Variants in KCNH1 observed in about 807,000 individuals in gnomAD.
KCNH1 encodes voltage-gated delayed rectifier potassium channel KCNH1.
Under a neutral mutation model 69.2 loss-of-function variants are expected in KCNH1, and 27 were observed. The observed-to-expected ratio is 0.39, with a 90% CI of 0.29 to 0.54. KCNH1 has a LOEUF of 0.54. Among genes scored for constraint, KCNH1 ranks in the 20% least tolerant of loss-of-function variants. The pLI, the probability that KCNH1 is intolerant of heterozygous loss-of-function variation, is 0.68. For synonymous variants in KCNH1, 456 were observed against 487.7 expected (o/e 0.93, Z 0.86); for missense variants, 798 against 1,261.6 (o/e 0.63, Z 5.57).
intron 9 of KCNH1, among the ~76,000 whole-genome samples, chr1:210,790,602 T>C (rs1359090765): frequency 6.6e-6 from 1 of 152,152 alleles, no homozygotes; most frequent in Non-Finnish European, 1.5e-5. Flanking sequence ...CCATGAAACA[T>C]TTGGGTAAAA....
At chr1:210,909,407 G>T (rs890765009) in intron 7 of KCNH1, among the ~76,000 whole-genome samples, 1 of 152,192 alleles carries the variant, frequency 6.6e-6, no homozygotes, top group Non-Finnish European at 1.5e-5. Flanking sequence ...CACACACAAG[G>T]GGTAGTTAAA....
chr1:211,096,774 A>G (rs1345503775), intron 3 of KCNH1, among the ~76,000 whole-genome samples: 5 of 152,212 alleles, frequency 3.3e-5, no homozygotes, highest in Non-Finnish European at 7.3e-5. Flanking sequence ...TTAAAATTTA[A>G]TTCAAACAGA....
intron 7 of KCNH1, among the ~76,000 whole-genome samples, chr1:210,870,820 C>CA (rs1558505238): frequency 6.6e-6 from 1 of 152,112 alleles, no homozygotes; most frequent in Non-Finnish European, 1.5e-5. Context: ...AGCTCCAATA[C>CA]AATTCATAGA....
At chr1:210,894,686 G>T (rs142432041) in intron 7 of KCNH1, among the ~76,000 whole-genome samples, 582 of 152,136 alleles carry the variant, frequency 3.8e-3, no homozygotes, top group Non-Finnish European at 6.0e-3. Context: ...GTTATTATTG[G>T]AGTATCTTTA....
intron 7 of KCNH1, among the ~76,000 whole-genome samples, chr1:210,902,567 C>T (rs929912437): frequency 6.6e-6 from 1 of 152,346 alleles, no homozygotes; most frequent in African/African-American, 2.4e-5. Context: ...CCCACTGTTG[C>T]TGCCCAGCCA....
chr1:210,971,667 C>A (rs1484380030), intron 6 of KCNH1, among the ~76,000 whole-genome samples: 1 of 151,162 alleles, frequency 6.6e-6, no homozygotes, highest in Non-Finnish European at 1.5e-5. Flanking sequence ...CTGAAATCAG[C>A]GATGGAAAAG....
At chr1:210,949,853 A>T (rs961865676) in intron 6 of KCNH1, among the ~76,000 whole-genome samples, 4 of 152,220 alleles carry the variant, frequency 2.6e-5, no homozygotes, top group African/African-American at 9.6e-5. Context: ...CTTGGCAACA[A>T]CATTATGAGA....
intron 10 of KCNH1, among the ~76,000 whole-genome samples, chr1:210,701,337 C>T (rs866944111): frequency 6.6e-6 from 1 of 152,122 alleles, no homozygotes; most frequent in South Asian, 2.1e-4. Context: ...CCTCCCAAAG[C>T]ACTGGGATTG....
intron 7 of KCNH1, among the ~76,000 whole-genome samples, chr1:210,917,229 G>GAAAGAAAGAAAGTA: frequency 1.3e-5 from 1 of 78,870 alleles, no homozygotes; most frequent in Middle Eastern, 6.9e-3. Flanking sequence ...GAGAGAGAGA[G>GAAAGAAAGAAAGTA]AGAAAGAAAG....
chr1:211,056,057 T>C (rs1690298149), intron 5 of KCNH1, among the ~76,000 whole-genome samples: 1 of 152,136 alleles, frequency 6.6e-6, no homozygotes, highest in African/African-American at 2.4e-5. Flanking sequence ...AAAGGAGACT[T>C]CATCTTACAG....
At chr1:210,997,145 G>T (rs1349146083) in intron 6 of KCNH1, among the ~76,000 whole-genome samples, 1 of 152,232 alleles carries the variant, frequency 6.6e-6, no homozygotes, top group African/African-American at 2.4e-5. Context: ...ACCAGCAACG[G>T]AACAAAGCTG....
rs1681914473 is a variant in KCNH1, at chr1:210,706,368, A to ATATTTGCAG, written c.2113-22239_2113-22231dup. 2.0e-5 allele frequency among the ~76,000 whole-genome samples: 3 copies of ATATTTGCAG among 152,352 alleles called. No individual in the cohort carries two copies. In the South Asian group the frequency reaches 6.2e-4, roughly 32 times the overall value. ...GTGCAGGGGATGCAAATAACCTTTA[A>ATATTTGCAG]TATTTGCAGGAGCAAAATGCAGCGT... On this transcript the variant is annotated intron_variant, in intron 10 of 10. Transcript: ENST00000271751.
At chr1:211,063,083 T>C (rs1254282328) in intron 5 of KCNH1, among the ~76,000 whole-genome samples, 1 of 152,118 alleles carries the variant, frequency 6.6e-6, no homozygotes, top group Non-Finnish European at 1.5e-5. Context: ...GATGAATGGG[T>C]AAACAAAATG....
At chr1:211,072,183 A>G (rs903826139) in intron 5 of KCNH1, among the ~76,000 whole-genome samples, 2 of 152,126 alleles carry the variant, frequency 1.3e-5, no homozygotes, top group Admixed American at 6.5e-5. Context: ...GGCCAAGGCA[A>G]GAGAATCACT....
At chr1:211,053,642 A>AG (rs1690248544) in intron 5 of KCNH1, among the ~76,000 whole-genome samples, 1 of 152,220 alleles carries the variant, frequency 6.6e-6, no homozygotes, top group African/African-American at 2.4e-5. Context: ...CAGAATTTAC[A>AG]CTGCTTTCAT....
chr1:210,961,655 A>G (rs967812234), intron 6 of KCNH1, among the ~76,000 whole-genome samples: 1 of 152,092 alleles, frequency 6.6e-6, no homozygotes, highest in South Asian at 2.1e-4. Flanking sequence ...AGCCTGACCA[A>G]CATGGAGAAA....
chr1:210,935,124 A>T (rs1412604190), intron 6 of KCNH1, among the ~76,000 whole-genome samples: 3 of 8,400 alleles, frequency 3.6e-4, no homozygotes, highest in Non-Finnish European at 7.0e-4. Flanking sequence ...AAAATGTCAC[A>T]CACACACACA....
chr1:210,840,446 G>A (rs1455969252), intron 7 of KCNH1, among the ~76,000 whole-genome samples: 4 of 152,190 alleles, frequency 2.6e-5, no homozygotes, highest in Non-Finnish European at 5.9e-5. Context: ...ACTGACTGGG[G>A]CTGCTTCGCA....
At chr1:210,843,151 A>T (rs1685458739) in intron 7 of KCNH1, among the ~76,000 whole-genome samples, 1 of 152,226 alleles carries the variant, frequency 6.6e-6, no homozygotes, top group African/African-American at 2.4e-5. Flanking sequence ...TCTTAGCGGA[A>T]GCAAGAAAAA....
Sources: gnomAD v4.1 joint callset for allele counts (sites outside exome capture counted in the v4.1 genomes callset) on GRCh38, gnomAD v4.1.1 for gene constraint, MANE v1.5 for transcripts, NCBI Gene and HGNC (gene_info 2026-07-23, HGNC 2026-07-21) for gene names.